Variants in RBKS observed in about 807,000 individuals in gnomAD.
The protein encoded by RBKS is ribokinase.
In RBKS, 33 loss-of-function variants were observed where a neutral mutation model predicts 33.9. That is an observed-to-expected ratio of 0.97 (90% CI 0.74 to 1.30). RBKS has a LOEUF of 1.30. Ranked by LOEUF, RBKS falls within the 50% of genes most tolerant of loss-of-function variation. The pLI is 0.00. For missense variants in RBKS, 361 were observed against 392.6 expected, an observed-to-expected ratio of 0.92 and a Z score of 0.68; for synonymous variants, 125 against 143.0, an observed-to-expected ratio of 0.87 and a Z score of 0.90.
chr2:27,791,631 C>CACACACAG (rs1553374288), intron 7 of RBKS, among the ~76,000 whole-genome samples: 1 of 149,514 alleles, frequency 6.7e-6, no homozygotes, highest in Non-Finnish European at 1.5e-5. Flanking sequence ...CACACACACA[C>CACACACAG]ACACACACAC....
intron 7 of RBKS, among the ~76,000 whole-genome samples, chr2:27,787,757 C>T (rs150963588): frequency 6.6e-5 from 10 of 152,208 alleles, no homozygotes; most frequent in Admixed American, 6.5e-4. Context: ...CTAGTGTCAC[C>T]ATGATACCAA....
intron 7 of RBKS, among the ~76,000 whole-genome samples, chr2:27,801,961 A>ATATATATATATAT (rs1386207212): frequency 4.7e-5 from 3 of 63,902 alleles, no homozygotes; most frequent in Admixed American, 1.5e-4. Context: ...AAAAAAAAAA[A>ATATATATATATAT]AAATATATAT....
chr2:27,876,969 T>C (rs565961210), intron 1 of RBKS, among the ~76,000 whole-genome samples: 2 of 152,266 alleles, frequency 1.3e-5, no homozygotes, highest in African/African-American at 4.8e-5. Flanking sequence ...CTCTTGCAAA[T>C]CCAGTACATG....
intron 1 of RBKS, among the ~76,000 whole-genome samples, chr2:27,880,028 GA>G (rs1477558949): frequency 2.6e-5 from 4 of 151,538 alleles, no homozygotes; most frequent in African/African-American, 9.7e-5. Context: ...CCTGGCAAAA[GA>G]AAAAAAGAAA....
intron 1 of RBKS, chr2:27,870,756 G>A (rs1267315357): frequency 1.3e-5 from 6 of 462,634 alleles, no homozygotes; most frequent in Non-Finnish European, 2.2e-5. Flanking sequence ...CAGCCACTCT[G>A]TCCATGCATA....
intron 1 of RBKS, among the ~76,000 whole-genome samples, chr2:27,865,993 C>T (rs1274921023): frequency 6.6e-6 from 1 of 152,066 alleles, no homozygotes; most frequent in Non-Finnish European, 1.5e-5. Context: ...TTTGTATTTA[C>T]CCATATATTT....
At chr2:27,824,924 C>G (rs2148201153) in intron 7 of RBKS, among the ~76,000 whole-genome samples, 1 of 152,166 alleles carries the variant, frequency 6.6e-6, no homozygotes, top group African/African-American at 2.4e-5. Flanking sequence ...ATTGCTTGAG[C>G]CCAGAAGTTT....
At chr2:27,878,000 GC>G (rs757812127) in intron 1 of RBKS, among the ~76,000 whole-genome samples, 128 of 148,592 alleles carry the variant, frequency 8.6e-4, no homozygotes, top group Non-Finnish European at 9.1e-4. Flanking sequence ...CTTTTTTTTT[GC>G]CTTTAATCAG....
At chr2:27,797,410 TGG>T (rs1227530438) in intron 7 of RBKS, among the ~76,000 whole-genome samples, 1 of 152,198 alleles carries the variant, frequency 6.6e-6, no homozygotes, top group Non-Finnish European at 1.5e-5. Flanking sequence ...CTGAGGAAAC[TGG>T]GATTCAAGGA....
chr2:27,846,942 G>T, intron 4 of RBKS, 100 bp downstream of exon 4: 1 of 777,438 alleles, frequency 1.3e-6, no homozygotes, highest in Non-Finnish European at 2.2e-6. Flanking sequence ...GATGGGTATA[G>T]TAAGAGGTCC....
intron 5 of RBKS, among the ~76,000 whole-genome samples, chr2:27,832,999 T>C (rs998176670): frequency 6.6e-6 from 1 of 152,206 alleles, no homozygotes; most frequent in African/African-American, 2.4e-5. Context: ...CTTTACAACA[T>C]TTCAGCTTCC....
chr2:27,782,378 C>G (rs1288132649), intron 7 of RBKS, among the ~76,000 whole-genome samples: 1 of 151,928 alleles, frequency 6.6e-6, no homozygotes, highest in East Asian at 1.9e-4. Flanking sequence ...AAAAAAGGGT[C>G]TCATTATGTT....
At chr2:27,803,839 G>A (rs966868405) in intron 7 of RBKS, among the ~76,000 whole-genome samples, 9 of 152,236 alleles carry the variant, frequency 5.9e-5, no homozygotes, top group African/African-American at 1.9e-4. Context: ...TTGAGGTCAG[G>A]AGTTTGAGAC....
chr2:27,879,258 G>GT (rs1423640450), intron 1 of RBKS, among the ~76,000 whole-genome samples: 1 of 152,074 alleles, frequency 6.6e-6, no homozygotes, highest in African/African-American at 2.4e-5. Context: ...CTCTTTTTGA[G>GT]TCTGCCTTCT....
intron 7 of RBKS, among the ~76,000 whole-genome samples, chr2:27,821,315 C>T (rs755523870): frequency 8.6e-5 from 13 of 151,804 alleles, no homozygotes; most frequent in Non-Finnish European, 1.6e-4. Context: ...CAGTGACTTG[C>T]CTATTTATAT....
chr2:27,861,675 G>A (rs1258351877), intron 1 of RBKS: 2 of 426,508 alleles, frequency 4.7e-6, no homozygotes, highest in Non-Finnish European at 9.7e-6. Context: ...GGGGGGGGGT[G>A]GAGTCTCACT....
chr2:27,828,967 A>C (rs1316075343), intron 6 of RBKS, among the ~76,000 whole-genome samples: 1 of 152,210 alleles, frequency 6.6e-6, no homozygotes, highest in Non-Finnish European at 1.5e-5. Flanking sequence ...ATCATAGCTC[A>C]CTACAGCCTC....
rs923485599 is a variant in RBKS, at chr2:27,843,091, G to A, written c.490C>T (p.Leu164=). The change falls in exon 5 of 8, where the codon CTA becomes TTA. Residue 164 remains leucine, a synonymous_variant. Coordinates refer to ENST00000302188, the MANE Select transcript of RBKS (RefSeq NM_022128.3). ...EITPATSLEA[L]TMARRSGVKT... ...CCTCCACTCCTGCGGGCCATTGTTA[G>A]GGCTTCCAAAGAAGTTGCTGGAGTT... 8.7e-6 allele frequency: 14 copies of A among 1,606,422 alleles called. No individual in the cohort carries two copies. The highest frequency in any genetic ancestry group is 1.7e-5 in the Admixed American group (1 of 58,882).
chr2:27,845,670 T>C (rs879483413), intron 4 of RBKS, among the ~76,000 whole-genome samples: 7 of 152,342 alleles, frequency 4.6e-5, no homozygotes, highest in Non-Finnish European at 4.4e-5. Context: ...CTACCACCTT[T>C]AGGTGAAATA....
Sources: allele counts gnomAD v4.1 joint callset (sites outside exome capture counted in the v4.1 genomes callset), GRCh38; gene constraint gnomAD v4.1.1; transcripts MANE v1.5; gene names NCBI Gene and HGNC (gene_info 2026-07-23, HGNC 2026-07-21).